MAP2K5: variants seen among roughly 807,000 people sequenced by gnomAD.
MAP2K5 encodes the protein dual specificity mitogen-activated protein kinase kinase 5.
Under a neutral mutation model 83.1 loss-of-function variants are expected in MAP2K5, and 49 were observed. The observed-to-expected ratio is 0.59, with a 90% confidence interval of 0.47 to 0.75. MAP2K5 has a LOEUF of 0.75. Ranked by LOEUF, MAP2K5 falls within the 30% of genes least tolerant of loss-of-function variation. The probability of loss-of-function intolerance (pLI) is 0.00; values close to 1 mark genes in which losing one functional copy is unlikely to be tolerated. For synonymous variants in MAP2K5, 202 were observed against 191.8 expected, an observed-to-expected ratio of 1.05 and a Z score of -0.44; for missense variants, 457 against 557.5, an observed-to-expected ratio of 0.82 and a Z score of 1.82.
rs746387396 is a variant in MAP2K5 at position 67,748,183 on chromosome 15, T to A, written c.1075-48T>A. The stretch of plus-strand genomic sequence containing the variant: ...TCTCAGTGATCATAATGTGTCCAAG[T>A]GAGTCATTTTGATTATGACATGCTA... On this transcript the variant is annotated intron_variant, in intron 17 of 21. Transcript: ENST00000178640. The surrounding 1 kb of genome is among the most constrained non-coding windows in gnomAD (Gnocchi z 4.0). 2 of 1,399,244 alleles carry A rather than the reference T, an allele frequency of 1.4e-6. No individual in the cohort carries two copies. The highest frequency in any genetic ancestry group is 2.4e-5 in the South Asian group (2 of 84,146). The allele number at this position is 1,399,244 out of a possible 1,614,324, so 86.7% of individuals were successfully genotyped here. A position where few individuals can be genotyped will look rare whatever the true frequency, so the allele number is the denominator to read the frequency against.
chr15:67,730,037 T>C (rs1253350239), intron 17 of MAP2K5, among the ~76,000 whole-genome samples: 1 of 152,220 alleles, frequency 6.6e-6, no homozygotes, highest in Non-Finnish European at 1.5e-5. Context: ...GTTACTTCTA[T>C]CTGAAATAAT....
At chr15:67,706,961 G>A (rs2088569504) in intron 16 of MAP2K5, among the ~76,000 whole-genome samples, 1 of 152,160 alleles carries the variant, frequency 6.6e-6, no homozygotes, top group African/African-American at 2.4e-5. Context: ...TGTCGCCCAG[G>A]CTGCAGTGCA....
intron 8 of MAP2K5, among the ~76,000 whole-genome samples, chr15:67,607,702 A>G (rs977125516): frequency 6.6e-6 from 1 of 152,220 alleles, no homozygotes; most frequent in Non-Finnish European, 1.5e-5. Context: ...GAAAGACACT[A>G]AATTTCATTT....
chr15:67,618,068 G>A (rs774733642), intron 8 of MAP2K5, among the ~76,000 whole-genome samples: 1 of 152,096 alleles, frequency 6.6e-6, no homozygotes, highest in African/African-American at 2.4e-5. Context: ...TAATAAATTC[G>A]CATTAACAGT....
At chr15:67,618,246 G>C (rs537993948) in intron 8 of MAP2K5, among the ~76,000 whole-genome samples, 1 of 152,130 alleles carries the variant, frequency 6.6e-6, no homozygotes, top group Non-Finnish European at 1.5e-5. Context: ...GCTTGGCAGT[G>C]GGGGAGATAT....
chr15:67,748,898 C>T lies in MAP2K5; in HGVS notation c.1134+297C>T, dbSNP rs1039899871. 6.6e-6 allele frequency among the ~76,000 whole-genome samples: 1 copy of T among 152,104 alleles called. No individual in the cohort carries two copies. Among genetic ancestry groups the T allele is most frequent in the African/African-American group, 2.4e-5 (1 of 41,410 alleles). ...TCTCCCTGGCCAGATGGGGATGGAA[C>T]TGGAAATTAAAATGATATCATTTTT... On this transcript the variant is annotated intron_variant, in intron 19 of 21. Coordinates refer to ENST00000178640, the MANE Select transcript of MAP2K5 (RefSeq NM_145160.3). This position sits in a 1 kb window ranked among gnomAD's most constrained non-coding sequence, Gnocchi z 4.0.
rs2088857374 is a variant in MAP2K5, at chr15:67,717,560, TAATA to T, written c.1045-10354_1045-10351del. ...AGCATTTCAGTTATTGATTACTGCTTAATAACCTACCCAAAATTAGTGGCTTAAA... is the reference window on the plus strand; with the variant it reads ...AGCATTTCAGTTATTGATTACTGCTTACCTACCCAAAATTAGTGGCTTAAA... On this transcript the variant is annotated intron_variant, in intron 16 of 21. Coordinates refer to ENST00000178640, the MANE Select transcript of MAP2K5 (RefSeq NM_145160.3). This position sits in a 1 kb window ranked among gnomAD's most constrained non-coding sequence, Gnocchi z 4.1. 6.6e-6 allele frequency among the ~76,000 whole-genome samples: 1 copy of T among 152,214 alleles called. No homozygotes were observed. Among genetic ancestry groups the T allele is most frequent in the Admixed American group, 6.5e-5 (1 of 15,284 alleles).
intron 16 of MAP2K5, among the ~76,000 whole-genome samples, chr15:67,715,219 CT>C (rs1211960304): frequency 1.5e-5 from 2 of 137,008 alleles, no homozygotes; most frequent in African/African-American, 2.8e-5. Context: ...TTTCCACTGT[CT>C]TTTTTTTGGG....
At chr15:67,569,021 A>C (rs1248639767) in intron 3 of MAP2K5, among the ~76,000 whole-genome samples, 2 of 135,086 alleles carry the variant, frequency 1.5e-5, no homozygotes, top group African/African-American at 2.8e-5. Context: ...AAAAAAAAAC[A>C]AAAAAAAAAA....
intron 3 of MAP2K5, among the ~76,000 whole-genome samples, chr15:67,576,929 T>TATA (rs544966694): frequency 1.7e-4 from 20 of 117,056 alleles, no homozygotes; most frequent in South Asian, 5.2e-4. Context: ...TATATATATA[T>TATA]TTTTTTTTTT....
At chr15:67,592,859 C>A in intron 6 of MAP2K5, 67 bp from the exon 7 acceptor site, 1 of 1,057,620 alleles carries the variant, frequency 9.5e-7, no homozygotes, top group South Asian at 1.3e-5. Context: ...GTATTTCAGT[C>A]TGGAATTTTC....
At chr15:67,641,709 A>C in intron 9 of MAP2K5, 1 of 737,234 alleles carries the variant, frequency 1.4e-6, no homozygotes, top group Non-Finnish European at 1.7e-6. Flanking sequence ...TTCATATTCA[A>C]ATTCTTTCCA....
At position 67,664,616 on chromosome 15, in the gene MAP2K5, A is replaced by G. The variant is rs2087327123; in HGVS notation, c.818A>G (p.Tyr273Cys). Residue 273 changes from tyrosine to cysteine, a missense_variant, in exon 13 of 22, where the codon TAT (tyrosine) becomes TGT (cysteine). By Grantham distance (194) the Tyr-to-Cys change is radical. Around this residue, in one of 3 missense-constraint regions of MAP2K5, gnomAD observed 168 missense variants for 263.0 expected, o/e 0.64. Transcript: ENST00000178640. ...IAVAVVKGLT[Y>C]LWSLKILHRD... Reference sequence around the variant, plus strand: ...ATTTAGGTTGTTAAAGGCCTTACTTATTTGTGGAGTTTAAAGATTTTACAT... The same window carrying G: ...ATTTAGGTTGTTAAAGGCCTTACTTGTTTGTGGAGTTTAAAGATTTTACAT... 1 of 1,594,852 alleles carries G rather than the reference A, an allele frequency of 6.3e-7. No individual in the cohort carries two copies. Among genetic ancestry groups the G allele is most frequent in the Non-Finnish European group, 8.6e-7 (1 of 1,163,108 alleles).
At chr15:67,616,074 T>C (rs1596654259) in intron 8 of MAP2K5, among the ~76,000 whole-genome samples, 1 of 152,336 alleles carries the variant, frequency 6.6e-6, no homozygotes, top group East Asian at 1.9e-4. Flanking sequence ...TTTGTGCCAA[T>C]GCTATAAAGT....
intron 7 of MAP2K5, among the ~76,000 whole-genome samples, chr15:67,594,658 C>T (rs1406772380): frequency 3.3e-5 from 5 of 152,166 alleles, no homozygotes; most frequent in Non-Finnish European, 7.4e-5. Context: ...ATGAGGTTCT[C>T]TATATGGTGG....
intron 8 of MAP2K5, among the ~76,000 whole-genome samples, chr15:67,607,124 T>C (rs1229827880): frequency 2.0e-5 from 3 of 152,234 alleles, no homozygotes; most frequent in Non-Finnish European, 4.4e-5. Flanking sequence ...TGGTTTGATT[T>C]ATTTTGACTT....
rs1437049605 is a variant in MAP2K5, at chr15:67,561,318, A to C, written c.185-1965A>C. The stretch of plus-strand genomic sequence containing the variant: ...CTTTCGCCTTAACCTTGAAAATATT[A>C]GTTTCTAGAACTTATATATAGACAG... On this transcript the variant is annotated intron_variant, in intron 2 of 21. Transcript: ENST00000178640. The surrounding 1 kb of genome is among the most constrained non-coding windows in gnomAD (Gnocchi z 4.2). Among the ~76,000 whole-genome samples the C allele has an allele frequency of 6.6e-6, 1 of 152,142 alleles. No homozygotes were observed. Among genetic ancestry groups the C allele is most frequent in the Non-Finnish European group, 1.5e-5 (1 of 68,002 alleles).
chr15:67,663,105 G>A (rs959356824), intron 12 of MAP2K5, among the ~76,000 whole-genome samples: 3 of 152,144 alleles, frequency 2.0e-5, no homozygotes, highest in Admixed American at 6.5e-5. Context: ...TTGAGAATAA[G>A]TTACAGATAT....
intron 16 of MAP2K5, among the ~76,000 whole-genome samples, chr15:67,715,418 C>A (rs906995605): frequency 4.6e-5 from 7 of 152,162 alleles, no homozygotes; most frequent in Non-Finnish European, 7.3e-5. Context: ...GAATGTGAAA[C>A]TGGCAGACAA....
Sources: allele counts gnomAD v4.1 joint callset (sites outside exome capture counted in the v4.1 genomes callset), GRCh38; gene constraint gnomAD v4.1.1; regional missense constraint gnomAD v4.1.1; non-coding constraint Gnocchi (gnomAD v3.1); transcripts MANE v1.5; gene names NCBI Gene and HGNC (gene_info 2026-07-23, HGNC 2026-07-21).